The following EYA3 variants were observed in gnomAD, a reference collection of about 807,000 sequenced individuals.
EYA3 encodes EYA transcriptional coactivator and phosphatase 3, also known as protein phosphatase EYA3.
Under a neutral mutation model 80.0 loss-of-function variants are expected in EYA3, and 39 were observed. The ratio of observed to expected loss-of-function variants is 0.49; its 90% CI spans 0.38 to 0.64. The LOEUF (loss-of-function observed/expected upper bound fraction) is 0.64, where lower values mean the gene tolerates loss of function less well. EYA3 is among the 30% of genes least tolerant of loss of function. EYA3 has a pLI of 0.00. For missense variants in EYA3, 523 were observed against 676.1 expected (o/e 0.77, Z 2.51); for synonymous variants, 206 against 232.8 (o/e 0.88, Z 1.05).
chr1:28,006,566 T>C (rs1165656033), intron 10 of EYA3, among the ~76,000 whole-genome samples: 8 of 149,656 alleles, frequency 5.3e-5, no homozygotes, highest in African/African-American at 1.9e-4. Flanking sequence ...ATTAACCGGG[T>C]GTGGTGGCAC....
intron 1 of EYA3, among the ~76,000 whole-genome samples, chr1:28,086,250 CTG>C (rs1397568035): frequency 1.3e-5 from 2 of 151,022 alleles, no homozygotes; most frequent in African/African-American, 4.9e-5. Flanking sequence ...GAGTCTCACT[CTG>C]TTGCCTTGTG....
chr1:28,020,740 G>C (rs1642383115), intron 7 of EYA3, among the ~76,000 whole-genome samples: 1 of 145,812 alleles, frequency 6.9e-6, no homozygotes, highest in South Asian at 2.2e-4. Flanking sequence ...TTCAATTGCA[G>C]GTTTAAAAAC....
rs1045843576 is a variant in EYA3, at chr1:28,010,839, G to A, written c.909+108C>T. ...AGTTTATTTTGCTCAGGAATTAAAG[G>A]GCACATAACATAGTGCACATTATCT... On this transcript the variant is annotated intron_variant, in intron 10 of 17. Transcript: ENST00000373871. The A allele has an allele frequency of 1.8e-5, 23 of 1,267,604 alleles. No homozygotes were observed. The Admixed American group carries it at 5.2e-4, about 29-fold the overall frequency. 78.5% of individuals were successfully genotyped at this position (1,267,604 alleles called of 1,614,324 possible).
intron 8 of EYA3, 104 bp downstream of exon 8, chr1:28,017,049 AT>A: frequency 1.0e-6 from 1 of 953,062 alleles, no homozygotes; most frequent in Non-Finnish European, 1.6e-6. Flanking sequence ...TCCACAGCCC[AT>A]ACTATTCCTG....
intron 14 of EYA3, among the ~76,000 whole-genome samples, chr1:27,992,291 G>A (rs1427228716): frequency 6.6e-6 from 1 of 152,168 alleles, no homozygotes; most frequent in Non-Finnish European, 1.5e-5. Flanking sequence ...GAGGTTTCGA[G>A]ATGAAATTGT....
At chr1:28,025,111 G>A (rs1037279191) in intron 7 of EYA3, among the ~76,000 whole-genome samples, 2 of 152,158 alleles carry the variant, frequency 1.3e-5, no homozygotes, top group African/African-American at 4.8e-5. Flanking sequence ...GGGAAAAGTA[G>A]GAGCGAGGAG....
At chr1:28,038,534 G>T (rs1033821004) in intron 5 of EYA3, among the ~76,000 whole-genome samples, 2 of 150,840 alleles carry the variant, frequency 1.3e-5, no homozygotes, top group Admixed American at 6.6e-5. Flanking sequence ...TCAAGGTACA[G>T]GACAGAGAAA....
chr1:28,065,542 T>C (rs965114199), intron 1 of EYA3, among the ~76,000 whole-genome samples: 7 of 151,542 alleles, frequency 4.6e-5, no homozygotes, highest in Non-Finnish European at 7.4e-5. Context: ...ATTACAGGTG[T>C]GAGCCACAAC....
intron 12 of EYA3, among the ~76,000 whole-genome samples, chr1:27,999,080 A>G (rs1251193148): frequency 1.3e-5 from 2 of 152,184 alleles, no homozygotes; most frequent in Middle Eastern, 3.2e-3. Context: ...ATAAAATCCT[A>G]TATTACTTTA....
chr1:28,014,864 T>TA (rs1409373487), intron 8 of EYA3, among the ~76,000 whole-genome samples: 1 of 152,120 alleles, frequency 6.6e-6, no homozygotes, highest in Non-Finnish European at 1.5e-5. Flanking sequence ...AATAAAGCTG[T>TA]AAAAAAACTA....
chr1:28,017,008 T>A, intron 8 of EYA3, 146 bp downstream of exon 8: 1 of 596,360 alleles, frequency 1.7e-6, no homozygotes, highest in Non-Finnish European at 3.0e-6. Flanking sequence ...CCATCCAGGG[T>A]CCGAGTTCTG....
intron 11 of EYA3, among the ~76,000 whole-genome samples, chr1:28,000,321 CTTTTT>C (rs911573180): frequency 6.7e-6 from 1 of 148,446 alleles, no homozygotes; most frequent in Non-Finnish European, 1.5e-5. Context: ...TTTTTTTTTT[CTTTTT>C]TTTTGAGACG....
At chr1:27,978,557 T>TG in intron 16 of EYA3, 83 bp from the exon 17 acceptor site, 1 of 1,155,916 alleles carries the variant, frequency 8.7e-7, no homozygotes, top group Non-Finnish European at 1.3e-6. Context: ...TAGGTTCACC[T>TG]GCCTGTGCTT....
chr1:27,988,759 T>C, intron 15 of EYA3, 103 bp from the exon 16 acceptor site: 1 of 1,342,202 alleles, frequency 7.5e-7, no homozygotes, highest in Non-Finnish European at 1.0e-6. Flanking sequence ...AAAAATTAAC[T>C]TTAAAGGACC....
intron 1 of EYA3, among the ~76,000 whole-genome samples, chr1:28,078,599 G>A (rs193180799): frequency 2.1e-3 from 323 of 152,050 alleles, no homozygotes; most frequent in African/African-American, 7.2e-3. Flanking sequence ...AGGCTGAAGC[G>A]CAGTGGCATG....
intron 3 of EYA3, among the ~76,000 whole-genome samples, chr1:28,046,555 A>T (rs1216460834): frequency 6.6e-6 from 1 of 152,110 alleles, no homozygotes; most frequent in Non-Finnish European, 1.5e-5. Flanking sequence ...GGAGGGAATA[A>T]AGGAATTAAG....
At chr1:28,007,410 C>T (rs1238615296) in intron 10 of EYA3, among the ~76,000 whole-genome samples, 1 of 151,158 alleles carries the variant, frequency 6.6e-6, no homozygotes, top group African/African-American at 2.4e-5. Context: ...TCTCGGCTCA[C>T]TGCAACCTCC....
intron 3 of EYA3, among the ~76,000 whole-genome samples, chr1:28,045,778 A>C (rs780908298): frequency 6.6e-6 from 1 of 152,208 alleles, no homozygotes; most frequent in Non-Finnish European, 1.5e-5. Flanking sequence ...CAACTGCTCT[A>C]AAATAAAATG....
At chr1:28,079,826 C>T (rs1056448246) in intron 1 of EYA3, among the ~76,000 whole-genome samples, 11 of 150,412 alleles carry the variant, frequency 7.3e-5, no homozygotes, top group Admixed American at 5.3e-4. Context: ...GACAGGGTCT[C>T]GCTATGTTGC....
Sources: allele counts gnomAD v4.1 joint callset (sites outside exome capture counted in the v4.1 genomes callset), GRCh38; gene constraint gnomAD v4.1.1; transcripts MANE v1.5; gene names NCBI Gene and HGNC (gene_info 2026-07-23, HGNC 2026-07-21).